The following ECT2L variants were observed in gnomAD, a reference collection of about 807,000 sequenced individuals.
ECT2L encodes epithelial cell transforming 2 like, also known as epithelial cell-transforming sequence 2 oncogene-like.
Under a neutral mutation model 122.8 loss-of-function variants are expected in ECT2L, and 126 were observed. That is an observed-to-expected ratio of 1.03 (90% confidence interval 0.89 to 1.19). The LOEUF is 1.19. ECT2L is among the 50% of genes most tolerant of loss of function. The pLI is 0.00. For synonymous variants in ECT2L, 385 were observed against 381.8 expected (o/e 1.01, Z -0.10); for missense variants, 1,012 against 1,064.1 (o/e 0.95, Z 0.68).
In ECT2L at chr6:138,842,996, C is replaced by T; in HGVS notation, c.360C>T (p.Pro120=). Residue 120 remains proline (P), a synonymous_variant, in exon 6 of 22, where the codon CCC becomes CCT. Transcript: ENST00000541398. ...FLTEQDCLWM[P]KCVKFGWFLP... ...TTCTGAAGGATTGCTTATGGATGCC[C>T]AAATGCGTTAAGTTCGGATGGTTTC... The T allele has an allele frequency of 6.5e-7, 1 of 1,533,354 alleles. No homozygotes were observed. Among genetic ancestry groups the T allele is most frequent in the Non-Finnish European group, 8.8e-7 (1 of 1,130,028 alleles). The allele number at this position is 1,533,354 out of a possible 1,614,324, so 95.0% of individuals were successfully genotyped here.
intron 20 of ECT2L, among the ~76,000 whole-genome samples, chr6:138,890,371 G>C (rs1421602630): frequency 6.6e-6 from 1 of 152,058 alleles, no homozygotes; most frequent in African/African-American, 2.4e-5. Flanking sequence ...CAGGGTAGCA[G>C]GGTAGGTGGA....
At chr6:138,800,582 A>G (rs575716162) in intron 1 of ECT2L, among the ~76,000 whole-genome samples, 1 of 152,336 alleles carries the variant, frequency 6.6e-6, no homozygotes, top group Admixed American at 6.5e-5. Context: ...ATTTAATTCA[A>G]TTCTAAGCTT....
intron 4 of ECT2L, among the ~76,000 whole-genome samples, chr6:138,834,259 T>C (rs912168927): frequency 1.3e-5 from 2 of 152,214 alleles, no homozygotes; most frequent in Non-Finnish European, 2.9e-5. Context: ...TTTCTTACTT[T>C]GCAACATTAA....
intron 20 of ECT2L, among the ~76,000 whole-genome samples, chr6:138,896,115 G>A (rs1184069835): frequency 8.4e-6 from 1 of 118,390 alleles, no homozygotes; most frequent in Non-Finnish European, 1.6e-5. Context: ...TTTCCTTAAT[G>A]AGATGGGGTC....
At chr6:138,811,167 T>C (rs1775878025) in intron 1 of ECT2L, among the ~76,000 whole-genome samples, 2 of 152,172 alleles carry the variant, frequency 1.3e-5, no homozygotes, top group Admixed American at 6.5e-5. Flanking sequence ...TGCTTTCTCA[T>C]TTGCTCACTG....
At chr6:138,845,705 TAC>T (rs778187683) in intron 7 of ECT2L, among the ~76,000 whole-genome samples, 8 of 152,246 alleles carry the variant, frequency 5.3e-5, no homozygotes, top group Non-Finnish European at 1.0e-4. Context: ...CCACTGATGC[TAC>T]ATATGGATCT....
chr6:138,830,410 G>C (rs1776607106), intron 4 of ECT2L, among the ~76,000 whole-genome samples: 1 of 152,082 alleles, frequency 6.6e-6, no homozygotes, highest in Non-Finnish European at 1.5e-5. Context: ...TGAGTCAATG[G>C]GTGTGGCTGT....
Position 138,853,986 on chromosome 6 carries a change from T to C in ECT2L, c.1070-40T>C, listed in dbSNP as rs754066113. 1.5e-5 allele frequency: 24 copies of C among 1,598,830 alleles called. 1 individual carries two copies. In the Middle Eastern group the frequency reaches 6.8e-4, roughly 45 times the overall value. On this transcript the variant is annotated intron_variant, in intron 9 of 21. Coordinates refer to ENST00000541398, the MANE Select transcript of ECT2L (RefSeq NM_001077706.3). ...TGCTAATAATTTCTGTTCAGTATTA[T>C]GTTACAAGCTAATATGACATTTTGA...
intron 5 of ECT2L, among the ~76,000 whole-genome samples, chr6:138,840,174 C>T (rs1450457190): frequency 2.0e-5 from 3 of 151,856 alleles, no homozygotes; most frequent in Admixed American, 2.0e-4. Context: ...GATCTTCACC[C>T]TCATCATCTT....
chr6:138,829,481 A>G (rs1036570903), intron 4 of ECT2L, among the ~76,000 whole-genome samples: 1 of 152,150 alleles, frequency 6.6e-6, no homozygotes, highest in Admixed American at 6.6e-5. Flanking sequence ...TTGCATCCAT[A>G]TCTCTTTCAC....
chr6:138,878,002 C>T (rs915548419), intron 14 of ECT2L, among the ~76,000 whole-genome samples: 2 of 152,080 alleles, frequency 1.3e-5, no homozygotes, highest in East Asian at 3.8e-4. Flanking sequence ...AGTTTTTTTA[C>T]ATTATAATTC....
chr6:138,902,639 A>G lies in ECT2L; in HGVS notation c.*12A>G, dbSNP rs1779443772. The G allele has an allele frequency of 6.2e-7, 1 of 1,613,238 alleles. No individual in the cohort carries two copies. Among genetic ancestry groups the G allele is most frequent in the Non-Finnish European group, 8.5e-7 (1 of 1,179,612 alleles). On this transcript the variant is annotated 3_prime_UTR_variant, in exon 22 of 22. Coordinates refer to ENST00000541398, the MANE Select transcript of ECT2L (RefSeq NM_001077706.3). ...GTATGGAGAAGTGAGACCGAACTTG[A>G]AAACTTCAGGGGTGCCAATTCTCCC...
At chr6:138,805,437 C>T (rs1775682572) in intron 1 of ECT2L, among the ~76,000 whole-genome samples, 1 of 152,214 alleles carries the variant, frequency 6.6e-6, no homozygotes, top group African/African-American at 2.4e-5. Context: ...CAACACATGG[C>T]TTTGTCAGTC....
At chr6:138,853,342 T>C (rs1257362014) in intron 9 of ECT2L, among the ~76,000 whole-genome samples, 2 of 152,164 alleles carry the variant, frequency 1.3e-5, no homozygotes, top group Non-Finnish European at 2.9e-5. Context: ...TATAATTGTG[T>C]TTTCCCAAAA....
At position 138,814,489 on chromosome 6, in the gene ECT2L, A is replaced by G. The variant is rs1583548896; in HGVS notation, c.67-2A>G. The stretch of plus-strand genomic sequence containing the variant: ...TGTCACTTCCTCCCCTCCCCCTTAT[A>G]GCTCTTTCAGGAAAGAGTGGCTCTT... On this transcript the variant is annotated splice_acceptor_variant, in intron 3 of 21. Coordinates refer to ENST00000541398, the MANE Select transcript of ECT2L (RefSeq NM_001077706.3). LOFTEE classifies it high-confidence loss of function. 1.3e-6 allele frequency: 2 copies of G among 1,585,374 alleles called. No individual in the cohort carries two copies. The highest frequency in any genetic ancestry group is 1.7e-6 in the Non-Finnish European group (2 of 1,155,842).
chr6:138,893,397 G>T (rs78199601), intron 20 of ECT2L, among the ~76,000 whole-genome samples: 3,247 of 150,460 alleles, frequency 0.022, 122 homozygotes, highest in African/African-American at 0.075. Flanking sequence ...TCTCCACCAT[G>T]TAAGAATATA....
intron 4 of ECT2L, among the ~76,000 whole-genome samples, chr6:138,835,551 CAA>C (rs34328066): frequency 1.9e-3 from 219 of 117,792 alleles, no homozygotes; most frequent in Middle Eastern, 4.6e-3. Context: ...GGCCCTGTCT[CAA>C]AAAAAAAAAA....
intron 10 of ECT2L, among the ~76,000 whole-genome samples, chr6:138,859,735 C>T (rs1021127952): frequency 3.3e-5 from 5 of 151,796 alleles, no homozygotes; most frequent in African/African-American, 4.8e-5. Context: ...TTTATACATA[C>T]TGGATAAAAA....
At chr6:138,859,981 C>T (rs779901760) in intron 10 of ECT2L, among the ~76,000 whole-genome samples, 3 of 151,928 alleles carry the variant, frequency 2.0e-5, no homozygotes, top group Non-Finnish European at 4.4e-5. Context: ...CGCCACCATG[C>T]CCGGCTAATT....
Sources: gnomAD v4.1 joint callset for allele counts (sites outside exome capture counted in the v4.1 genomes callset) on GRCh38, gnomAD v4.1.1 for gene constraint, MANE v1.5 for transcripts, NCBI Gene and HGNC (gene_info 2026-07-23, HGNC 2026-07-21) for gene names.